SLC30A9: variants seen among roughly 807,000 people sequenced by gnomAD.
The protein encoded by SLC30A9 is solute carrier family 30 member 9, also known as proton-coupled zinc antiporter SLC30A9, mitochondrial.
In SLC30A9, 58 loss-of-function variants were observed where a neutral mutation model predicts 87.5. That is an observed-to-expected ratio of 0.66 (90% CI 0.54 to 0.82). The LOEUF (loss-of-function observed/expected upper bound fraction) is 0.82, where lower values mean the gene tolerates loss of function less well. Ranked by LOEUF, SLC30A9 falls within the 40% of genes least tolerant of loss-of-function variation. SLC30A9 has a pLI of 0.00. For missense variants in SLC30A9, 557 were observed against 679.1 expected (o/e 0.82, Z 2.00); for synonymous variants, 234 against 233.0 (o/e 1.00, Z -0.04).
Position 42,038,914 on chromosome 4 carries a change from T to C in SLC30A9, c.670-72T>C. The C allele has an allele frequency of 3.1e-6, 3 of 967,300 alleles. No individual in the cohort carries two copies. In the South Asian group the frequency reaches 4.1e-5, roughly 13 times the overall value. The allele number at this position is 967,300 out of a possible 1,614,324, so 59.9% of individuals were successfully genotyped here. A position where few individuals can be genotyped will look rare whatever the true frequency, so the allele number is the denominator to read the frequency against. ...TGATAGAGGAAAATGTTCTGGTCTG[T>C]CAAAGCCACCAGTTACAGTGCTTCT... is the stretch of plus-strand genomic sequence containing the variant. On this transcript the variant is annotated intron_variant, in intron 7 of 17. Transcript: ENST00000264451.
At chr4:41,990,844 C>A in intron 1 of SLC30A9, 84 bp downstream of exon 1, 3 of 959,406 alleles carry the variant, frequency 3.1e-6, no homozygotes, top group South Asian at 2.8e-5. Context: ...TGGGGCAATT[C>A]GCCCACTTGC....
rs1291599194 is a variant in SLC30A9 at position 42,039,032 on chromosome 4, T to G, written c.716T>G (p.Val239Gly). 6.2e-7 allele frequency: 1 copy of G among 1,613,152 alleles called. No homozygotes were observed. Among genetic ancestry groups the G allele is most frequent in the South Asian group, 1.1e-5 (1 of 91,010 alleles). The change falls in exon 8 of 18, where the codon GTG becomes GGG. Residue 239 changes from valine to glycine, a missense_variant. This residue lies in a region of SLC30A9 where 467 missense variants were observed against 529.8 expected (regional missense o/e 0.88). Coordinates refer to ENST00000264451, the MANE Select transcript of SLC30A9 (RefSeq NM_006345.4). ...GTGTTTTTTAAGGGACCAGGAAAAGTGGTGATGGTTGCAATTTGCATGTAA... is the reference window on the plus strand; with the variant it reads ...GTGTTTTTTAAGGGACCAGGAAAAGGGGTGATGGTTGCAATTTGCATGTAA... ...ASVFFKGPGKVVMVAICINGL... is the reference protein window; with the variant it reads ...ASVFFKGPGKGVMVAICINGL...
intron 2 of SLC30A9, among the ~76,000 whole-genome samples, chr4:42,016,812 TC>T (rs1715742317): frequency 6.6e-6 from 1 of 151,982 alleles, no homozygotes; most frequent in Non-Finnish European, 1.5e-5. Context: ...TATCTATCTA[TC>T]TATCTATCTA....
At chr4:42,046,886 A>C (rs1434213883) in intron 8 of SLC30A9, among the ~76,000 whole-genome samples, 1 of 152,202 alleles carries the variant, frequency 6.6e-6, no homozygotes, top group Non-Finnish European at 1.5e-5. Flanking sequence ...CAAAACAGAT[A>C]TATAGACCAA....
At chr4:42,071,827 G>A (rs1718322437) in intron 15 of SLC30A9, among the ~76,000 whole-genome samples, 2 of 152,312 alleles carry the variant, frequency 1.3e-5, no homozygotes, top group South Asian at 4.1e-4. Flanking sequence ...CAGAGAATGA[G>A]TTGGGAAATG....
rs573893264 is a variant in SLC30A9, at chr4:42,038,067, C to T, written c.670-919C>T. Among the ~76,000 whole-genome samples the T allele has an allele frequency of 1.8e-4, 28 of 152,200 alleles. 1 individual carries two copies. Among genetic ancestry groups the T allele is most frequent in the African/African-American group, 5.1e-4 (21 of 41,520 alleles). On this transcript the variant is annotated intron_variant, in intron 7 of 17. Transcript: ENST00000264451. ...GATTACAAGCGTGAGCCACTGCGCC[C>T]GACCTGATTATGGAATTTTTGAGTA... is the stretch of plus-strand genomic sequence containing the variant.
chr4:42,037,179 A>G (rs1166683297), intron 7 of SLC30A9, among the ~76,000 whole-genome samples: 2 of 146,904 alleles, frequency 1.4e-5, no homozygotes, highest in Non-Finnish European at 3.0e-5. Flanking sequence ...CTCACTGAAG[A>G]TGGTTGCTTT....
Position 42,018,332 on chromosome 4 carries a change from ATAAAC to A in SLC30A9, c.334+166_334+170del, listed in dbSNP as rs1169082348. 3 of 874,186 alleles carry A rather than the reference ATAAAC, an allele frequency of 3.4e-6. No homozygotes were observed. The East Asian group carries it at 1.0e-4, about 30-fold the overall frequency. 54.2% of individuals were successfully genotyped at this position (874,186 alleles called of 1,614,324 possible). A position where few individuals can be genotyped will look rare whatever the true frequency, so the allele number is the denominator to read the frequency against. ...ACCATAAGGATTTATTCTCTTACATATAAACTAATTTTCTATTAAATTTATTTTGC... is the reference window on the plus strand; with the variant it reads ...ACCATAAGGATTTATTCTCTTACATATAATTTTCTATTAAATTTATTTTGC... On this transcript the variant is annotated intron_variant, in intron 3 of 17. Transcript: ENST00000264451.
At chr4:42,030,210 G>GA in intron 6 of SLC30A9, 2 of 343,272 alleles carry the variant, frequency 5.8e-6, no homozygotes, top group Non-Finnish European at 1.0e-5. Flanking sequence ...ACTGTCATAT[G>GA]TATGGGACCT....
In SLC30A9 at chr4:42,073,597, A is replaced by C. The variant is rs539657943; in HGVS notation, c.1419-2060A>C. ...GACTTCAGGGTTTCTCATAGACTGT[A>C]ATCAAGGTGTTGACTGGGATTATAG... On this transcript the variant is annotated intron_variant, in intron 15 of 17. Coordinates refer to ENST00000264451, the MANE Select transcript of SLC30A9 (RefSeq NM_006345.4). 1.1e-4 allele frequency among the ~76,000 whole-genome samples: 16 copies of C among 152,194 alleles called. 1 individual carries two copies. The highest frequency in any genetic ancestry group is 6.5e-4 in the Admixed American group (10 of 15,280).
chr4:42,019,997 A>G (rs996008191), intron 3 of SLC30A9, among the ~76,000 whole-genome samples: 3 of 151,956 alleles, frequency 2.0e-5, no homozygotes, highest in Admixed American at 1.3e-4. Flanking sequence ...ACAGGGTTTC[A>G]CCATGTTGGC....
chr4:42,005,371 T>C (rs1425724874), intron 2 of SLC30A9, among the ~76,000 whole-genome samples: 1 of 152,250 alleles, frequency 6.6e-6, no homozygotes. Flanking sequence ...TAACTTGTGT[T>C]AGGGTTCACT....
At chr4:42,018,257 AT>A in intron 3 of SLC30A9, 87 bp downstream of exon 3, 1 of 796,746 alleles carries the variant, frequency 1.3e-6, no homozygotes, top group Non-Finnish European at 2.0e-6. Context: ...CTTTATAGTT[AT>A]ATTATTCTAA....
At chr4:42,006,503 G>A (rs141779869) in intron 2 of SLC30A9, among the ~76,000 whole-genome samples, 1 of 152,162 alleles carries the variant, frequency 6.6e-6, no homozygotes, top group Non-Finnish European at 1.5e-5. Context: ...CCTGAGCAAC[G>A]TGGTGAAACT....
intron 3 of SLC30A9, 152 bp from the exon 4 acceptor site, chr4:42,020,264 A>C (rs1715894158): frequency 1.8e-6 from 1 of 546,870 alleles, no homozygotes; most frequent in Non-Finnish European, 3.2e-6. Flanking sequence ...CCTATTCTGC[A>C]CTTGGATAAT....
intron 6 of SLC30A9, among the ~76,000 whole-genome samples, chr4:42,028,308 A>G (rs1022270324): frequency 3.3e-5 from 5 of 152,052 alleles, no homozygotes; most frequent in Non-Finnish European, 2.9e-5. Flanking sequence ...TTTAGTAGAG[A>G]TGGGGTTTCA....
At chr4:42,042,736 A>T (rs1318555770) in intron 8 of SLC30A9, among the ~76,000 whole-genome samples, 1 of 152,186 alleles carries the variant, frequency 6.6e-6, no homozygotes, top group Non-Finnish European at 1.5e-5. Context: ...TAAGGGACAG[A>T]CTGCCTCCTC....
intron 2 of SLC30A9, 23 bp downstream of exon 2, chr4:42,001,803 A>T: frequency 6.4e-7 from 1 of 1,562,532 alleles, no homozygotes; most frequent in Non-Finnish European, 8.7e-7. Flanking sequence ...TTTTTAATGT[A>T]CTTTTTTCTG....
chr4:42,002,178 G>A (rs1209219928), intron 2 of SLC30A9, among the ~76,000 whole-genome samples: 1 of 151,154 alleles, frequency 6.6e-6, no homozygotes, highest in African/African-American at 2.4e-5. Flanking sequence ...ACCATTATAT[G>A]TTTGTATCCT....
Sources: gnomAD v4.1 joint callset for allele counts (sites outside exome capture counted in the v4.1 genomes callset) on GRCh38, gnomAD v4.1.1 for gene constraint, gnomAD v4.1.1 regional missense constraint, MANE v1.5 for transcripts, NCBI Gene and HGNC (gene_info 2026-07-23, HGNC 2026-07-21) for gene names.